The following CNOT6 variants were observed in gnomAD, a reference collection of about 807,000 sequenced individuals.
CNOT6 encodes the protein carbon catabolite repression 4 protein.
CNOT6 carries 12 observed loss-of-function variants against 61.2 expected under a neutral mutation model. The ratio of observed to expected loss-of-function variants is 0.20; its 90% CI spans 0.13 to 0.32. The LOEUF is 0.32. Among genes scored for constraint, CNOT6 ranks in the 10% least tolerant of loss-of-function variants. CNOT6 has a pLI of 1.00. For missense variants in CNOT6, 405 were observed against 663.9 expected (o/e 0.61, Z 4.28); for synonymous variants, 225 against 240.6 (o/e 0.94, Z 0.60).
intron 2 of CNOT6, among the ~76,000 whole-genome samples, chr5:180,539,438 T>C (rs1758902119): frequency 6.6e-6 from 1 of 151,802 alleles, no homozygotes; most frequent in Non-Finnish European, 1.5e-5. Flanking sequence ...TAAATATCTT[T>C]CACCTCATTT....
At chr5:180,528,902 T>C (rs1440643567) in intron 1 of CNOT6, among the ~76,000 whole-genome samples, 1 of 152,056 alleles carries the variant, frequency 6.6e-6, no homozygotes, top group African/African-American at 2.4e-5. Context: ...GAGATTGTAA[T>C]ATGGGTGTCC....
At chr5:180,535,310 T>G in intron 2 of CNOT6, among the ~76,000 whole-genome samples, 1 of 152,238 alleles carries the variant, frequency 6.6e-6, no homozygotes, top group Non-Finnish European at 1.5e-5. Context: ...TTTTCACCTT[T>G]TTCGCCCTCC....
At chr5:180,528,303 A>G (rs1355589380) in intron 1 of CNOT6, among the ~76,000 whole-genome samples, 1 of 151,986 alleles carries the variant, frequency 6.6e-6, no homozygotes, top group Non-Finnish European at 1.5e-5. Flanking sequence ...TGATTCTTTT[A>G]TTATTTATTT....
At chr5:180,539,832 G>T (rs1319525458) in intron 2 of CNOT6, among the ~76,000 whole-genome samples, 1 of 151,640 alleles carries the variant, frequency 6.6e-6, no homozygotes, top group African/African-American at 2.4e-5. Flanking sequence ...CTCATGATCC[G>T]CCCGCCTCGG....
At chr5:180,556,726 G>A (rs1178724269) in intron 4 of CNOT6, among the ~76,000 whole-genome samples, 7 of 152,228 alleles carry the variant, frequency 4.6e-5, no homozygotes, top group African/African-American at 1.4e-4. Context: ...GCTGAGGCAG[G>A]CAGATCACGA....
chr5:180,551,265 A>T (rs374787763), intron 3 of CNOT6, among the ~76,000 whole-genome samples: 2 of 151,616 alleles, frequency 1.3e-5, no homozygotes, highest in East Asian at 3.9e-4. Context: ...GCTGAGGTGG[A>T]GGGATGGCTT....
At chr5:180,556,993 A>ACTG (rs1473247119) in intron 4 of CNOT6, among the ~76,000 whole-genome samples, 3 of 152,070 alleles carry the variant, frequency 2.0e-5, no homozygotes, top group Non-Finnish European at 4.4e-5. Context: ...ATGGAATCAT[A>ACTG]CTGTATGCGG....
At chr5:180,539,548 G>GTTGTTTTTTTT (rs1561648866) in intron 2 of CNOT6, among the ~76,000 whole-genome samples, 4 of 45,826 alleles carry the variant, frequency 8.7e-5, no homozygotes, top group African/African-American at 3.0e-4. Context: ...TACTTTTTCT[G>GTTGTTTTTTTT]TTCTTTTTTT....
chr5:180,549,598 C>G (rs780507606), intron 2 of CNOT6, among the ~76,000 whole-genome samples: 44 of 151,608 alleles, frequency 2.9e-4, no homozygotes, highest in Non-Finnish European at 5.2e-4. Flanking sequence ...GCAGTGAGCC[C>G]AGATCACGCC....
At chr5:180,508,796 T>C (rs979149195) in intron 1 of CNOT6, among the ~76,000 whole-genome samples, 7 of 147,328 alleles carry the variant, frequency 4.8e-5, no homozygotes, top group Non-Finnish European at 1.0e-4. Flanking sequence ...CTAATGTATC[T>C]TATTTTAATT....
intron 2 of CNOT6, among the ~76,000 whole-genome samples, chr5:180,543,048 T>C (rs548459120): frequency 2.0e-5 from 3 of 152,150 alleles, no homozygotes; most frequent in Non-Finnish European, 2.9e-5. Flanking sequence ...TGAATTTTTT[T>C]AAATTTATTT....
At chr5:180,518,775 ACTGGTATGAGC>A (rs1757758228) in intron 1 of CNOT6, among the ~76,000 whole-genome samples, 1 of 152,178 alleles carries the variant, frequency 6.6e-6, no homozygotes, top group African/African-American at 2.4e-5. Flanking sequence ...TGCTGGGATT[ACTGGTATGAGC>A]CTGGCCAGTG....
At chr5:180,566,088 C>T in intron 7 of CNOT6, 111 bp downstream of exon 7, 1 of 1,003,598 alleles carries the variant, frequency 1.0e-6, no homozygotes, top group Non-Finnish European at 1.4e-6. Context: ...TAAAGTACTG[C>T]TTTTTTCTGT....
chr5:180,559,320 G>C (rs1214293784), intron 4 of CNOT6, among the ~76,000 whole-genome samples: 1 of 152,124 alleles, frequency 6.6e-6, no homozygotes, highest in African/African-American at 2.4e-5. Flanking sequence ...GAATTGCTGT[G>C]TCTTCTTGAG....
chr5:180,510,868 C>T (rs1757358923), intron 1 of CNOT6, among the ~76,000 whole-genome samples: 1 of 152,000 alleles, frequency 6.6e-6, no homozygotes, highest in Non-Finnish European at 1.5e-5. Flanking sequence ...GCAGTGGTGC[C>T]ATCTCAGCTT....
At chr5:180,567,314 T>G in intron 8 of CNOT6, 72 bp downstream of exon 8, 1 of 1,338,682 alleles carries the variant, frequency 7.5e-7, no homozygotes, top group Non-Finnish European at 1.0e-6. Context: ...GTGTGGAAAC[T>G]AATTGGCAAA....
At position 180,535,521 on chromosome 5, in the gene CNOT6, G is replaced by A. The variant is rs143729845; in HGVS notation, c.112+6133G>A. 2.5e-3 allele frequency among the ~76,000 whole-genome samples: 374 copies of A among 152,250 alleles called. 1 individual carries two copies. The highest frequency in any genetic ancestry group is 8.6e-3 in the African/African-American group (358 of 41,536). On this transcript the variant is annotated intron_variant, in intron 2 of 11. Coordinates refer to ENST00000261951, the MANE Select transcript of CNOT6 (RefSeq NM_001370472.1). The stretch of plus-strand genomic sequence containing the variant: ...TTTTATAACTCAGTAGTATTTCTTG[G>A]TGTATATATACACTGCATTTTCTTT...
At chr5:180,498,564 C>T (rs561979470) in intron 1 of CNOT6, among the ~76,000 whole-genome samples, 2 of 152,236 alleles carry the variant, frequency 1.3e-5, no homozygotes, top group South Asian at 2.1e-4. Flanking sequence ...GTTACTGGAA[C>T]AGTGGGAATG....
Position 180,550,270 on chromosome 5 carries a change from T to C in CNOT6, c.299+153T>C, listed in dbSNP as rs796785158. Among the ~76,000 whole-genome samples the C allele has an allele frequency of 7.9e-5, 12 of 152,164 alleles. 1 individual carries two copies. The highest frequency in any genetic ancestry group is 2.9e-4 in the African/African-American group (12 of 41,512). ...ATCGAGACCATTCTGGCCAACATGG[T>C]GAAACCCCATCTCTACTAAAAATAC... On this transcript the variant is annotated intron_variant, in intron 3 of 11. Transcript: ENST00000261951.
Sources: allele counts gnomAD v4.1 joint callset (sites outside exome capture counted in the v4.1 genomes callset), GRCh38; gene constraint gnomAD v4.1.1; transcripts MANE v1.5; gene names NCBI Gene and HGNC (gene_info 2026-07-23, HGNC 2026-07-21).